Variants in HSF2 observed in about 807,000 individuals in gnomAD.
The protein encoded by HSF2 is heat shock transcription factor 2.
HSF2 carries 21 observed loss-of-function variants against 65.0 expected under a neutral mutation model. That is an observed-to-expected ratio of 0.32 (90% confidence interval 0.23 to 0.47). The LOEUF (loss-of-function observed/expected upper bound fraction) is 0.47, where lower values mean the gene tolerates loss of function less well. HSF2 is among the 20% of genes least tolerant of loss of function. HSF2 has a pLI of 1.00. For missense variants in HSF2, 499 were observed against 628.1 expected (o/e 0.79, Z 2.20); for synonymous variants, 225 against 219.1 (o/e 1.03, Z -0.24).
At chr6:122,427,540 TC>T (rs1774363940) in intron 10 of HSF2, among the ~76,000 whole-genome samples, 1 of 151,762 alleles carries the variant, frequency 6.6e-6, no homozygotes, top group Non-Finnish European at 1.5e-5. Context: ...AGGGCAGAGG[TC>T]TCAACCCTGC....
intron 5 of HSF2, 82 bp downstream of exon 5, chr6:122,416,378 T>A: frequency 7.7e-6 from 6 of 783,146 alleles, no homozygotes; most frequent in Admixed American, 2.2e-5. Context: ...CTTTATTGAG[T>A]GTCTGTGATT....
chr6:122,400,510 G>A (rs1582602331), intron 1 of HSF2, among the ~76,000 whole-genome samples: 1 of 152,190 alleles, frequency 6.6e-6, no homozygotes, highest in South Asian at 2.1e-4. Context: ...TGGTAACTTA[G>A]TAGTTACTAA....
chr6:122,416,199 T>TG (rs1436099826), intron 4 of HSF2, 22 bp from the exon 5 acceptor site: 1 of 1,502,458 alleles, frequency 6.7e-7, no homozygotes, highest in African/African-American at 1.4e-5. Flanking sequence ...TTTGTTTTGT[T>TG]GCTTAATAAA....
intron 10 of HSF2, among the ~76,000 whole-genome samples, chr6:122,425,132 A>G (rs1216612060): frequency 3.3e-5 from 5 of 152,104 alleles, no homozygotes; most frequent in Non-Finnish European, 5.9e-5. Context: ...GATCTGCTCC[A>G]TCTTAAAAAA....
chr6:122,416,563 A>G (rs1050741724), intron 5 of HSF2, among the ~76,000 whole-genome samples: 2 of 152,212 alleles, frequency 1.3e-5, no homozygotes, highest in Non-Finnish European at 2.9e-5. Context: ...TAATATAACA[A>G]TTTTGAAATA....
rs1032878219 is a variant in HSF2 at position 122,423,638 on chromosome 6, C to T, written c.1128C>T (p.Ala376=). The T allele has an allele frequency of 6.2e-7, 1 of 1,610,650 alleles. No homozygotes were observed. The highest frequency in any genetic ancestry group is 2.2e-5 in the East Asian group (1 of 44,772). Residue 376 remains alanine, a synonymous_variant, in exon 10 of 13, where the codon GCC becomes GCT. Coordinates refer to ENST00000368455, the MANE Select transcript of HSF2 (RefSeq NM_004506.4). ...ACTGCAGTTTAGAGGACTTCCAGGC[C>T]ATGCTATCAGGAAGACAATTTAGCA... ...SIDCSLEDFQ[A]MLSGRQFSID...
In HSF2 at chr6:122,423,938, C is replaced by T. The variant is rs1774290615; in HGVS notation, c.1176+252C>T. ...AACATATCAGATCTTTTCAGCAGTACTGTTAAGTTCATGTCTTGTCTGGAC... is the reference window on the plus strand; with the variant it reads ...AACATATCAGATCTTTTCAGCAGTATTGTTAAGTTCATGTCTTGTCTGGAC... On this transcript the variant is annotated intron_variant, in intron 10 of 12. Transcript: ENST00000368455. Among the ~76,000 whole-genome samples the T allele has an allele frequency of 2.0e-5, 3 of 152,020 alleles. No homozygotes were observed. In the South Asian group the frequency reaches 6.2e-4, roughly 31 times the overall value.
chr6:122,409,437 G>T (rs1354066106), intron 1 of HSF2, among the ~76,000 whole-genome samples: 1 of 151,956 alleles, frequency 6.6e-6, no homozygotes, highest in Non-Finnish European at 1.5e-5. Context: ...AATTGGAGAA[G>T]GGGGGTTTAA....
chr6:122,417,338 C>T (rs1002648913), intron 5 of HSF2, among the ~76,000 whole-genome samples: 3 of 152,034 alleles, frequency 2.0e-5, no homozygotes, highest in Admixed American at 1.3e-4. Flanking sequence ...TCTGTTAATA[C>T]TTTTCAGAAA....
At chr6:122,408,315 T>C (rs369741300) in intron 1 of HSF2, among the ~76,000 whole-genome samples, 84 of 151,676 alleles carry the variant, frequency 5.5e-4, no homozygotes, top group African/African-American at 1.8e-3. Context: ...CTTCCACATA[T>C]GTTTTAAAAT....
rs1176243851 is a variant in HSF2, at chr6:122,432,854, G to C, written c.*634G>C. 1 of 152,234 alleles carries C rather than the reference G, an allele frequency of 6.6e-6. No homozygotes were observed. Among genetic ancestry groups the C allele is most frequent in the Non-Finnish European group, 1.5e-5 (1 of 68,096 alleles). The allele number at this position is 152,234 out of a possible 1,614,324, so 9.4% of individuals were successfully genotyped here. Reference sequence around the variant, plus strand: ...GAAAGATCGGGGGTGGGATGGGATGGAGTGAGCCCCATCCAGTTAGTTGGA... The same window carrying C: ...GAAAGATCGGGGGTGGGATGGGATGCAGTGAGCCCCATCCAGTTAGTTGGA... On this transcript the variant is annotated 3_prime_UTR_variant, in exon 13 of 13. Coordinates refer to ENST00000368455, the MANE Select transcript of HSF2 (RefSeq NM_004506.4).
In HSF2 at chr6:122,422,304, G is replaced by A. The variant is rs972482884; in HGVS notation, c.830+6G>A. ...GTTATATCTGATCCCTCCAAGTAAG[G>A]AGTTTGTGAGATAAAATGTATGAAA... is the stretch of plus-strand genomic sequence containing the variant. On this transcript the variant is annotated splice_donor_region_variant and intron_variant, in intron 8 of 12. Coordinates refer to ENST00000368455, the MANE Select transcript of HSF2 (RefSeq NM_004506.4). 1.9e-6 allele frequency: 3 copies of A among 1,572,434 alleles called. No homozygotes were observed. In the African/African-American group the frequency reaches 4.1e-5, roughly 21 times the overall value.
chr6:122,424,338 A>G (rs771332711), intron 10 of HSF2, among the ~76,000 whole-genome samples: 6 of 151,840 alleles, frequency 4.0e-5, no homozygotes, highest in Middle Eastern at 3.4e-3. Context: ...GCTTAGATGA[A>G]TCTTGTTCTG....
chr6:122,427,986 C>G (rs1774375251), intron 11 of HSF2, 30 bp downstream of exon 11: 1 of 1,469,216 alleles, frequency 6.8e-7, no homozygotes. Flanking sequence ...GCTCAGGACC[C>G]ATAGCTATAA....
Position 122,408,087 on chromosome 6 carries a change from A to G in HSF2, c.94-4286A>G, listed in dbSNP as rs567862050. 2.5e-4 allele frequency among the ~76,000 whole-genome samples: 38 copies of G among 152,026 alleles called. 1 individual carries two copies. In the South Asian group the frequency reaches 7.7e-3, roughly 31 times the overall value. ...ACCTAATTACCTCCCAAAGGCTCTA[A>G]CTCCAAATACCATCATATCAGGGGC... On this transcript the variant is annotated intron_variant, in intron 1 of 12. Coordinates refer to ENST00000368455, the MANE Select transcript of HSF2 (RefSeq NM_004506.4).
At position 122,427,964 on chromosome 6, in the gene HSF2, T is replaced by G. The variant is rs1774374587; in HGVS notation, c.1230+8T>G. 1 of 1,577,562 alleles carries G rather than the reference T, an allele frequency of 6.3e-7. No individual in the cohort carries two copies. Among genetic ancestry groups the G allele is most frequent in the African/African-American group, 1.4e-5 (1 of 73,776 alleles). Reference sequence around the variant, plus strand: ...TACATCAATAATACAAAAGTAAGTTTTAATTCATGTTGCTCAGGACCCATA... The same window carrying G: ...TACATCAATAATACAAAAGTAAGTTGTAATTCATGTTGCTCAGGACCCATA... On this transcript the variant is annotated splice_region_variant and intron_variant, in intron 11 of 12. Transcript: ENST00000368455.
At chr6:122,418,027 CT>C (rs990343595) in intron 5 of HSF2, among the ~76,000 whole-genome samples, 2 of 151,888 alleles carry the variant, frequency 1.3e-5, no homozygotes, top group Non-Finnish European at 2.9e-5. Context: ...ATTTAGTAGC[CT>C]TTTTTGTAAG....
chr6:122,412,282 A>G (rs943198334), intron 1 of HSF2, 91 bp from the exon 2 acceptor site: 2 of 766,592 alleles, frequency 2.6e-6, no homozygotes, highest in African/African-American at 3.5e-5. Flanking sequence ...GGACTGGACT[A>G]CTCAAGACAG....
At chr6:122,403,897 C>G (rs1030119689) in intron 1 of HSF2, among the ~76,000 whole-genome samples, 3 of 152,066 alleles carry the variant, frequency 2.0e-5, no homozygotes, top group East Asian at 1.9e-4. Context: ...GAGACAAGGC[C>G]GTAGAGGTTA....
Sources: gnomAD v4.1 joint callset for allele counts (sites outside exome capture counted in the v4.1 genomes callset) on GRCh38, gnomAD v4.1.1 for gene constraint, MANE v1.5 for transcripts, NCBI Gene and HGNC (gene_info 2026-07-23, HGNC 2026-07-21) for gene names.